Variants in ANKRD31 observed in about 807,000 individuals in gnomAD.
ANKRD31 encodes the protein ankyrin repeat domain 31, also known as ankyrin repeat domain-containing protein 31.
ANKRD31 carries 147 observed loss-of-function variants against 186.0 expected under a neutral mutation model. The ratio of observed to expected loss-of-function variants is 0.79; its 90% CI spans 0.69 to 0.91. The LOEUF is 0.91. ANKRD31 is among the 40% of genes least tolerant of loss of function. The pLI, the probability that ANKRD31 is intolerant of heterozygous loss-of-function variation, is 0.00. For synonymous variants in ANKRD31, 673 were observed against 736.4 expected (o/e 0.91, Z 1.39); for missense variants, 1,986 against 2,148.8 (o/e 0.92, Z 1.50).
At chr5:75,218,511 G>A (rs1326314074) in intron 3 of ANKRD31, among the ~76,000 whole-genome samples, 2 of 152,046 alleles carry the variant, frequency 1.3e-5, no homozygotes, top group African/African-American at 4.8e-5. Context: ...AATTATAACA[G>A]ATGTACAAAG....
At chr5:75,083,746 T>C (rs1351563544) in intron 24 of ANKRD31, among the ~76,000 whole-genome samples, 1 of 149,836 alleles carries the variant, frequency 6.7e-6, no homozygotes, top group Non-Finnish European at 1.5e-5. Flanking sequence ...AAAAAAAAAG[T>C]TGGGGGGGAA....
intron 17 of ANKRD31, among the ~76,000 whole-genome samples, chr5:75,119,605 G>A (rs896629591): frequency 6.6e-5 from 10 of 152,248 alleles, no homozygotes; most frequent in Middle Eastern, 3.4e-3. Context: ...TTTCCTTTGG[G>A]TACATACCCA....
Position 75,138,013 on chromosome 5 carries a change from A to C in ANKRD31, c.3734-15T>G. On this transcript the variant is annotated splice_polypyrimidine_tract_variant and intron_variant, in intron 16 of 25. Transcript: ENST00000506364. ...TGGTGTCCAACCTAAAAAAAGAAAAAGAAAAAAAAAAACCCTGCTTCATGC... is the reference window on the plus strand; with the variant it reads ...TGGTGTCCAACCTAAAAAAAGAAAACGAAAAAAAAAAACCCTGCTTCATGC... 3 of 1,398,354 alleles carry C rather than the reference A, an allele frequency of 2.1e-6. No individual in the cohort carries two copies. The highest frequency in any genetic ancestry group is 1.8e-6 in the Non-Finnish European group (2 of 1,097,474). 86.6% of individuals were successfully genotyped at this position (1,398,354 alleles called of 1,614,324 possible). A position where few individuals can be genotyped will look rare whatever the true frequency, so the allele number is the denominator to read the frequency against.
intron 2 of ANKRD31, among the ~76,000 whole-genome samples, chr5:75,222,672 A>G (rs1438779658): frequency 6.6e-6 from 1 of 151,302 alleles, no homozygotes; most frequent in Non-Finnish European, 1.5e-5. Flanking sequence ...TCAACGTTCA[A>G]CTCCTGTTTA....
At chr5:75,196,680 G>A (rs2150252877) in intron 6 of ANKRD31, among the ~76,000 whole-genome samples, 1 of 152,216 alleles carries the variant, frequency 6.6e-6, no homozygotes, top group South Asian at 2.1e-4. Context: ...GGAGTAAAGA[G>A]GCCAAAGGAC....
intron 1 of ANKRD31, among the ~76,000 whole-genome samples, chr5:75,234,743 T>C (rs1025428748): frequency 6.6e-6 from 1 of 152,180 alleles, no homozygotes; most frequent in Non-Finnish European, 1.5e-5. Context: ...TCTTGATAAT[T>C]GAAATTTTTT....
chr5:75,117,390 G>A lies in ANKRD31; in HGVS notation c.4040-709C>T, dbSNP rs762140469. 1.0e-3 allele frequency among the ~76,000 whole-genome samples: 158 copies of A among 152,270 alleles called. 1 individual carries two copies. The highest frequency in any genetic ancestry group is 1.9e-3 in the Non-Finnish European group (129 of 68,024). Reference sequence around the variant, plus strand: ...ATATGGAAGCAGGCAACGAAAAGAGGAAATTTGTATCACTCTTGACCTTGA... The same window carrying A: ...ATATGGAAGCAGGCAACGAAAAGAGAAAATTTGTATCACTCTTGACCTTGA... On this transcript the variant is annotated intron_variant, in intron 18 of 25. Transcript: ENST00000506364.
chr5:75,137,624 T>G (rs1222997197), intron 17 of ANKRD31, among the ~76,000 whole-genome samples: 1 of 152,190 alleles, frequency 6.6e-6, no homozygotes, highest in Non-Finnish European at 1.5e-5. Context: ...TTTTACTCTC[T>G]TCTGACTTGC....
At position 75,084,285 on chromosome 5, in the gene ANKRD31, T is replaced by C. The variant is rs1386091348; in HGVS notation, c.5562A>G (p.Gln1854=). 3.9e-6 allele frequency: 6 copies of C among 1,536,304 alleles called. No individual in the cohort carries two copies. Among genetic ancestry groups the C allele is most frequent in the South Asian group, 2.4e-5 (2 of 84,032 alleles). The change falls in exon 24 of 26, where the codon CAA becomes CAG. Residue 1854 remains glutamine, a synonymous_variant. Transcript: ENST00000506364. Reference sequence around the variant, plus strand: ...TTCTGTACATACCTGGAAGACAAGGTTGATATTGCTGAGGTACTGAGTTTG... The same window carrying C: ...TTCTGTACATACCTGGAAGACAAGGCTGATATTGCTGAGGTACTGAGTTTG... ...PEPNSVPQQY[Q]PCLPEVACLD... is the part of the protein sequence containing the mutation.
chr5:75,208,661 A>T (rs1451973325), intron 4 of ANKRD31, among the ~76,000 whole-genome samples: 3 of 152,224 alleles, frequency 2.0e-5, no homozygotes, highest in Admixed American at 2.0e-4. Flanking sequence ...TTCTTCTGAC[A>T]GCAGCTCCAA....
chr5:75,108,123 G>A (rs1466428260), intron 20 of ANKRD31, among the ~76,000 whole-genome samples: 1 of 151,644 alleles, frequency 6.6e-6, no homozygotes, highest in African/African-American at 2.4e-5. Context: ...TTAGGGGTAT[G>A]TATGTTTGTA....
At position 75,192,638 on chromosome 5, in the gene ANKRD31, A is replaced by C. The variant is rs376179336; in HGVS notation, c.1408+29T>G. On this transcript the variant is annotated intron_variant, in intron 9 of 25. Coordinates refer to ENST00000506364, the MANE Select transcript of ANKRD31 (RefSeq NM_001372053.1). ...CTACCAATTCTGTTTTTGTAAAAGAAATAGAAAAATACTCAAAATATGCAT... is the reference window on the plus strand; with the variant it reads ...CTACCAATTCTGTTTTTGTAAAAGACATAGAAAAATACTCAAAATATGCAT... 20 of 1,428,932 alleles carry C rather than the reference A, an allele frequency of 1.4e-5. 1 individual carries two copies. The African/African-American group carries it at 1.6e-4, about 11-fold the overall frequency. 88.5% of individuals were successfully genotyped at this position (1,428,932 alleles called of 1,614,324 possible).
intron 17 of ANKRD31, among the ~76,000 whole-genome samples, chr5:75,130,352 T>C (rs977151721): frequency 1.3e-5 from 2 of 152,128 alleles, no homozygotes; most frequent in Admixed American, 6.5e-5. Context: ...GCTTCCACAG[T>C]GTGGAAAGGG....
chr5:75,197,394 T>A (rs1580537778), intron 6 of ANKRD31, among the ~76,000 whole-genome samples: 2 of 152,160 alleles, frequency 1.3e-5, no homozygotes. Flanking sequence ...AAAAATCAAA[T>A]CCACCATACC....
At chr5:75,148,681 A>C (rs982698437) in intron 12 of ANKRD31, 53 bp from the exon 13 acceptor site, 2 of 1,404,854 alleles carry the variant, frequency 1.4e-6, no homozygotes, top group Non-Finnish European at 1.9e-6. Flanking sequence ...TTTAGACTTT[A>C]GACTTCTAAA....
At chr5:75,222,502 C>A (rs753353868) in intron 2 of ANKRD31, 144 bp from the exon 3 acceptor site, 1 of 622,984 alleles carries the variant, frequency 1.6e-6, no homozygotes, top group Non-Finnish European at 2.6e-6. Flanking sequence ...TAAAAAAAAA[C>A]GAGATATATG....
At chr5:75,129,048 G>A (rs1749509553) in intron 17 of ANKRD31, among the ~76,000 whole-genome samples, 1 of 152,134 alleles carries the variant, frequency 6.6e-6, no homozygotes, top group Non-Finnish European at 1.5e-5. Context: ...GGGGTCTGGT[G>A]GGAGGTGATT....
At chr5:75,080,430 G>C in intron 25 of ANKRD31, 138 bp downstream of exon 25, 1 of 509,760 alleles carries the variant, frequency 2.0e-6, no homozygotes, top group Non-Finnish European at 3.2e-6. Flanking sequence ...AGGAAATAAA[G>C]ATGATGTAAC....
rs1757890399 is a variant in ANKRD31 at position 75,230,635 on chromosome 5, C to A, written c.105G>T (p.Arg35Ser). 1 of 1,526,444 alleles carries A rather than the reference C, an allele frequency of 6.6e-7. No homozygotes were observed. 94.6% of individuals were successfully genotyped at this position (1,526,444 alleles called of 1,614,324 possible). A position where few individuals can be genotyped will look rare whatever the true frequency, so the allele number is the denominator to read the frequency against. ...DLEEKELPWRRLLFDQDASLK... is the reference protein window; with the variant it reads ...DLEEKELPWRSLLFDQDASLK... ...GAGATGCGTCTTGATCAAACAGCAA[C>A]CTTTCAAATACCAAAAGGGAAGGCA... Residue 35 changes from arginine to serine, a missense_variant and splice_region_variant, in exon 2 of 26, where the codon AGG becomes AGT. Arg to Ser is a moderately radical substitution (Grantham distance 110, BLOSUM62 -1). Coordinates refer to ENST00000506364, the MANE Select transcript of ANKRD31 (RefSeq NM_001372053.1).
Sources: allele counts gnomAD v4.1 joint callset (sites outside exome capture counted in the v4.1 genomes callset), GRCh38; gene constraint gnomAD v4.1.1; transcripts MANE v1.5; gene names NCBI Gene and HGNC (gene_info 2026-07-23, HGNC 2026-07-21).